Variants in PCDHGB4 observed in about 807,000 individuals in gnomAD.
PCDHGB4 encodes the protein protocadherin gamma subfamily B, 4.
Under a neutral mutation model 60.5 loss-of-function variants are expected in PCDHGB4, and 38 were observed. That is an observed-to-expected ratio of 0.63 (90% confidence interval 0.48 to 0.82). The LOEUF is 0.82. Ranked by LOEUF, PCDHGB4 falls within the 40% of genes least tolerant of loss-of-function variation. The pLI, the probability that PCDHGB4 is intolerant of heterozygous loss-of-function variation, is 0.00. For synonymous variants in PCDHGB4, 456 were observed against 509.7 expected, an observed-to-expected ratio of 0.89 and a Z score of 1.42; for missense variants, 1,109 against 1,209.6, an observed-to-expected ratio of 0.92 and a Z score of 1.23.
intron 1 of PCDHGB4, among the ~76,000 whole-genome samples, chr5:141,448,877 G>A (rs1421211206): frequency 6.6e-6 from 1 of 152,112 alleles, no homozygotes; most frequent in African/African-American, 2.4e-5. Flanking sequence ...CCTGGGAGGC[G>A]GAGCTTGCAG....
intron 1 of PCDHGB4, among the ~76,000 whole-genome samples, chr5:141,426,133 G>A (rs2096916691): frequency 6.6e-6 from 1 of 152,212 alleles, no homozygotes. Context: ...GCCAAGACTT[G>A]GGCTTTCTGC....
Position 141,510,957 on chromosome 5 carries a change from T to C in PCDHGB4, c.2556T>C (p.Asp852=), listed in dbSNP as rs372617587. ...MILASASEAA[D]GSSTLGGGAG... ...CCTCTGTCTCTGCAGAAGCTGCTGA[T>C]GGGAGCTCCACCCTGGGAGGGGGTG... Residue 852 remains aspartate, a synonymous_variant, in exon 4 of 4, where the codon GAT becomes GAC. Transcript: ENST00000519479. 2.5e-6 allele frequency: 4 copies of C among 1,614,134 alleles called. No individual in the cohort carries two copies. The highest frequency in any genetic ancestry group is 3.4e-6 in the Non-Finnish European group (4 of 1,180,004).
rs563876979 is a variant in PCDHGB4, at chr5:141,417,900, G to A, written c.2397+27619G>A. 5 of 1,583,452 alleles carry A rather than the reference G, an allele frequency of 3.2e-6. No individual in the cohort carries two copies. Among genetic ancestry groups the A allele is most frequent in the South Asian group, 2.3e-5 (2 of 88,062 alleles). On this transcript the variant is annotated intron_variant, in intron 1 of 3. Coordinates refer to ENST00000519479, the MANE Select transcript of PCDHGB4 (RefSeq NM_003736.4). ...GCGCAGAGGCGCCGGGCCGGCCCGC[G>A]GCAGGTACTATTTCCTTTGCTGCTG...
At chr5:141,408,097 C>T (rs2095040197) in intron 1 of PCDHGB4, 5 of 1,434,516 alleles carry the variant, frequency 3.5e-6, no homozygotes, top group Non-Finnish European at 3.7e-6. Context: ...TTGCCAGCTC[C>T]GAGACCCGGG....
Position 141,423,580 on chromosome 5 carries a change from A to C in PCDHGB4, c.2397+33299A>C, listed in dbSNP as rs368022774. 46 of 1,613,286 alleles carry C rather than the reference A, an allele frequency of 2.9e-5. No individual in the cohort carries two copies. In the African/African-American group the frequency reaches 5.6e-4, roughly 20 times the overall value. On this transcript the variant is annotated intron_variant, in intron 1 of 3. Coordinates refer to ENST00000519479, the MANE Select transcript of PCDHGB4 (RefSeq NM_003736.4). ...TGGGGACACGCTCATCAGCCAGGAGAGCTGTGAGAAAAGCGAGCCACTCTT... is the reference window on the plus strand; with the variant it reads ...TGGGGACACGCTCATCAGCCAGGAGCGCTGTGAGAAAAGCGAGCCACTCTT...
chr5:141,420,492 TC>T (rs1172385190), intron 1 of PCDHGB4: 8 of 508,012 alleles, frequency 1.6e-5, no homozygotes, highest in Non-Finnish European at 1.8e-5. Flanking sequence ...ATGGGTAATC[TC>T]CGGTGACATT....
intron 1 of PCDHGB4, chr5:141,408,389 G>T: frequency 6.2e-7 from 1 of 1,614,032 alleles, no homozygotes; most frequent in Non-Finnish European, 8.5e-7. Flanking sequence ...GGATGTGTCG[G>T]CTCGCAAGCT....
chr5:141,401,655 A>G (rs1011518295), intron 1 of PCDHGB4, among the ~76,000 whole-genome samples: 2 of 152,232 alleles, frequency 1.3e-5, no homozygotes, highest in South Asian at 2.1e-4. Context: ...AAATGACTGG[A>G]TGTTTTCTCA....
Position 141,434,824 on chromosome 5 carries a change from A to C in PCDHGB4, c.2397+44543A>C, listed in dbSNP as rs143305842. ...CTTGGAGAAATATATCCCTTAGTACACTTGGCATTTATAAAGCAGACATCA... is the reference window on the plus strand; with the variant it reads ...CTTGGAGAAATATATCCCTTAGTACCCTTGGCATTTATAAAGCAGACATCA... On this transcript the variant is annotated intron_variant, in intron 1 of 3. Coordinates refer to ENST00000519479, the MANE Select transcript of PCDHGB4 (RefSeq NM_003736.4). 7.9e-4 allele frequency among the ~76,000 whole-genome samples: 120 copies of C among 152,004 alleles called. 2 individuals are homozygous for C. The highest frequency in any genetic ancestry group is 2.8e-3 in the African/African-American group (115 of 41,454).
Position 141,477,102 on chromosome 5 carries a change from C to T in PCDHGB4, c.2398-17705C>T. 2.5e-6 allele frequency: 4 copies of T among 1,614,232 alleles called. No homozygotes were observed. The South Asian group carries it at 4.4e-5, about 18-fold the overall frequency. On this transcript the variant is annotated intron_variant, in intron 1 of 3. Coordinates refer to ENST00000519479, the MANE Select transcript of PCDHGB4 (RefSeq NM_003736.4). This position sits in a 1 kb window ranked among gnomAD's most constrained non-coding sequence, Gnocchi z 4.9. Reference sequence around the variant, plus strand: ...TACATCCAGGCCAAAGACAAGGGCGCCAATCCCGAAGGAGCACATTGCAAA... The same window carrying T: ...TACATCCAGGCCAAAGACAAGGGCGTCAATCCCGAAGGAGCACATTGCAAA...
intron 1 of PCDHGB4, chr5:141,427,050 G>A (rs974721070): frequency 4.4e-6 from 2 of 457,372 alleles, no homozygotes; most frequent in Non-Finnish European, 4.4e-6. Flanking sequence ...TGTGCCCCCA[G>A]GCACCTCTGT....
At position 141,486,447 on chromosome 5, in the gene PCDHGB4, T is replaced by A. The variant is rs1452869378; in HGVS notation, c.2398-8360T>A. 6.2e-7 allele frequency: 1 copy of A among 1,614,058 alleles called. No individual in the cohort carries two copies. The highest frequency in any genetic ancestry group is 1.7e-5 in the Admixed American group (1 of 60,012). On this transcript the variant is annotated intron_variant, in intron 1 of 3. Coordinates refer to ENST00000519479, the MANE Select transcript of PCDHGB4 (RefSeq NM_003736.4). This position sits in a 1 kb window ranked among gnomAD's most constrained non-coding sequence, Gnocchi z 5.0. Reference sequence around the variant, plus strand: ...GCCAAATCTAGCTATGACATCATGGTCACTGCTTCTGATGCTGGGAACCCT... The same window carrying A: ...GCCAAATCTAGCTATGACATCATGGACACTGCTTCTGATGCTGGGAACCCT...
At position 141,486,891 on chromosome 5, in the gene PCDHGB4, G is replaced by A. The variant is rs201201426; in HGVS notation, c.2398-7916G>A. 38 of 1,614,118 alleles carry A rather than the reference G, an allele frequency of 2.4e-5. No individual in the cohort carries two copies. The highest frequency in any genetic ancestry group is 3.1e-5 in the Non-Finnish European group (37 of 1,180,064). Reference sequence around the variant, plus strand: ...GTGCTCCGTCCTCGGGCCCGGCCTGGTTCCTTATGTCCCCAAGCACTGCCT... The same window carrying A: ...GTGCTCCGTCCTCGGGCCCGGCCTGATTCCTTATGTCCCCAAGCACTGCCT... On this transcript the variant is annotated intron_variant, in intron 1 of 3. Coordinates refer to ENST00000519479, the MANE Select transcript of PCDHGB4 (RefSeq NM_003736.4). This position sits in a 1 kb window ranked among gnomAD's most constrained non-coding sequence, Gnocchi z 5.0.
rs1007318194 is a variant in PCDHGB4, at chr5:141,512,035, T to G, written c.*862T>G. On this transcript the variant is annotated 3_prime_UTR_variant, in exon 4 of 4. Coordinates refer to ENST00000519479, the MANE Select transcript of PCDHGB4 (RefSeq NM_003736.4). ...AAGTTATCAAGGCCTTGGAGGAGGC[T>G]CTGTATGTCCTCAGGGGACTGACAA... 1.3e-5 allele frequency: 2 copies of G among 152,870 alleles called. No individual in the cohort carries two copies. Among genetic ancestry groups the G allele is most frequent in the African/African-American group, 4.8e-5 (2 of 41,464 alleles). The allele number at this position is 152,870 out of a possible 1,614,324, so 9.5% of individuals were successfully genotyped here.
chr5:141,464,483 C>G (rs192469583), intron 1 of PCDHGB4, among the ~76,000 whole-genome samples: 32 of 151,368 alleles, frequency 2.1e-4, no homozygotes, highest in African/African-American at 7.3e-4. Flanking sequence ...ATAATAAATT[C>G]CTAATAGTGT....
chr5:141,486,416 C>T lies in PCDHGB4; in HGVS notation c.2398-8391C>T, dbSNP rs2154580601. The T allele has an allele frequency of 6.2e-7, 1 of 1,614,152 alleles. No individual in the cohort carries two copies. The highest frequency in any genetic ancestry group is 8.5e-7 in the Non-Finnish European group (1 of 1,180,016). On this transcript the variant is annotated intron_variant, in intron 1 of 3. Coordinates refer to ENST00000519479, the MANE Select transcript of PCDHGB4 (RefSeq NM_003736.4). This position sits in a 1 kb window ranked among gnomAD's most constrained non-coding sequence, Gnocchi z 5.0. ...CCTGGTGACTGCTGGACCCTTGGAT[C>T]GAGAGGCCAAATCTAGCTATGACAT...
chr5:141,415,078 G>C, intron 1 of PCDHGB4: 1 of 1,613,494 alleles, frequency 6.2e-7, no homozygotes, highest in Non-Finnish European at 8.5e-7. Context: ...CACGGCGCGA[G>C]CCCTGCTGGA....
chr5:141,397,407 G>C (rs1383716790), intron 1 of PCDHGB4, among the ~76,000 whole-genome samples: 1 of 152,108 alleles, frequency 6.6e-6, no homozygotes. Context: ...TTACAAAATA[G>C]TTTTAAATAG....
At position 141,389,227 on chromosome 5, in the gene PCDHGB4, C is replaced by T. The variant is rs1412412051; in HGVS notation, c.1343C>T (p.Pro448Leu). Residue 448 changes from proline to leucine, a missense_variant, in exon 1 of 4, where the codon CCG (proline) becomes CTG (leucine). Physicochemically the swap from Pro to Leu is moderately conservative, Grantham distance 98 (BLOSUM62 -3). Transcript: ENST00000519479. ...ATTGGTGATGTAAATGACAACGCTC[C>T]GGTTTTCTCACAGTCTTCCTATATA... ...LHIGDVNDNA[P>L]VFSQSSYIVH... is the part of the protein sequence containing the mutation. 35 of 1,614,024 alleles carry T rather than the reference C, an allele frequency of 2.2e-5. No homozygotes were observed. Among genetic ancestry groups the T allele is most frequent in the Non-Finnish European group, 2.8e-5 (33 of 1,179,882 alleles).
Sources: allele counts gnomAD v4.1 joint callset (sites outside exome capture counted in the v4.1 genomes callset), GRCh38; gene constraint gnomAD v4.1.1; non-coding constraint Gnocchi (gnomAD v3.1); transcripts MANE v1.5; gene names NCBI Gene and HGNC (gene_info 2026-07-23, HGNC 2026-07-21).